Variants in PLXNA4 observed in about 807,000 individuals in gnomAD.
PLXNA4 encodes the protein plexin A4.
PLXNA4 carries 44 observed loss-of-function variants against 191.8 expected under a neutral mutation model. That is an observed-to-expected ratio of 0.23 (90% CI 0.18 to 0.29). The LOEUF (loss-of-function observed/expected upper bound fraction) is 0.29. Ranked by LOEUF, PLXNA4 falls within the 10% of genes least tolerant of loss-of-function variation. The pLI is 1.00. For synonymous variants in PLXNA4, 1,082 were observed against 1,009.5 expected (o/e 1.07, Z -1.36); for missense variants, 1,800 against 2,488.8 (o/e 0.72, Z 5.89).
At position 132,585,344 on chromosome 7, in the gene PLXNA4, G is replaced by A. The variant is rs77977506; in HGVS notation, c.-87+60584C>T. On this transcript the variant is annotated intron_variant, in intron 2 of 4. Coordinates refer to the PLXNA4 transcript ENST00000378539. ...AACATTTAGATAGCAACAGGTGAAAGCTCCATAGTGTTATTAATGTTATCA... is the reference window on the plus strand; with the variant it reads ...AACATTTAGATAGCAACAGGTGAAAACTCCATAGTGTTATTAATGTTATCA... Among the ~76,000 whole-genome samples, 813 of 152,256 alleles carry A rather than the reference G, an allele frequency of 5.3e-3. 6 individuals are homozygous for A. The highest frequency in any genetic ancestry group is 0.019 in the African/African-American group (787 of 41,546).
At chr7:132,257,634 A>G (rs1211767607) in intron 4 of PLXNA4, among the ~76,000 whole-genome samples, 1 of 152,194 alleles carries the variant, frequency 6.6e-6, no homozygotes, top group Non-Finnish European at 1.5e-5. Flanking sequence ...GTCTGGGGAC[A>G]CAGAGCAGCA....
intron 12 of PLXNA4, among the ~76,000 whole-genome samples, chr7:132,199,231 C>A (rs57320805): frequency 0.019 from 2,844 of 152,282 alleles, 96 homozygotes; most frequent in African/African-American, 0.064. Context: ...GGTCTGTCTC[C>A]CTCCTTGTGG....
At chr7:132,588,542 C>T (rs1429517085) in intron 2 of PLXNA4, among the ~76,000 whole-genome samples, 3 of 151,642 alleles carry the variant, frequency 2.0e-5, no homozygotes, top group African/African-American at 7.3e-5. Flanking sequence ...TTATCAATAT[C>T]TTTCAGGCAT....
intron 3 of PLXNA4, among the ~76,000 whole-genome samples, chr7:132,323,603 C>T (rs939618160): frequency 6.6e-6 from 1 of 152,138 alleles, no homozygotes; most frequent in Non-Finnish European, 1.5e-5. Context: ...AAGGTGTCAC[C>T]ATGCCAGGGA....
chr7:132,306,711 AGCTG>A (rs1232624363), intron 3 of PLXNA4, among the ~76,000 whole-genome samples: 1 of 152,180 alleles, frequency 6.6e-6, no homozygotes, highest in African/African-American at 2.4e-5. Context: ...GAGTTGCCAC[AGCTG>A]GAACCAGGAG....
intron 29 of PLXNA4, among the ~76,000 whole-genome samples, chr7:132,143,267 T>C (rs1795322182): frequency 1.3e-5 from 2 of 152,044 alleles, no homozygotes; most frequent in African/African-American, 4.8e-5. Context: ...GGGGAAAGTG[T>C]CCTCAGGGTT....
chr7:132,510,529 T>C (rs1798672226), intron 1 of PLXNA4, among the ~76,000 whole-genome samples: 1 of 152,116 alleles, frequency 6.6e-6, no homozygotes, highest in African/African-American at 2.4e-5. Flanking sequence ...AAGGAGCAGA[T>C]CCTCAACGAA....
chr7:132,229,801 T>G (rs376916808), intron 5 of PLXNA4, among the ~76,000 whole-genome samples: 1 of 151,690 alleles, frequency 6.6e-6, no homozygotes, highest in Non-Finnish European at 1.5e-5. Flanking sequence ...ACAGGTGTGG[T>G]GTGGGGCAAG....
At chr7:132,178,845 T>TACACACACAC (rs56027205) in intron 20 of PLXNA4, among the ~76,000 whole-genome samples, 3 of 83,540 alleles carry the variant, frequency 3.6e-5, no homozygotes, top group African/African-American at 2.0e-4. Flanking sequence ...TACACATATA[T>TACACACACAC]ACACACACAC....
intron 3 of PLXNA4, among the ~76,000 whole-genome samples, chr7:132,347,283 C>G (rs576075449): frequency 1.4e-4 from 21 of 152,216 alleles, no homozygotes; most frequent in Non-Finnish European, 2.5e-4. Context: ...GGGAAGAGCT[C>G]AAGGGCCCAT....
At chr7:132,290,129 C>T (rs74365035) in intron 4 of PLXNA4, among the ~76,000 whole-genome samples, 2,308 of 152,272 alleles carry the variant, frequency 0.015, 50 homozygotes, top group African/African-American at 0.052. Context: ...TGCAGGAGTC[C>T]CCCAGCACCT....
At chr7:132,273,328 ACACACACACACACG>A (rs776717490) in intron 4 of PLXNA4, among the ~76,000 whole-genome samples, 2 of 150,858 alleles carry the variant, frequency 1.3e-5, no homozygotes, top group Non-Finnish European at 2.9e-5. Flanking sequence ...TTTTCAACAC[ACACACACACACACG>A]CACACACACA....
At chr7:132,402,815 G>T (rs959272302) in intron 3 of PLXNA4, among the ~76,000 whole-genome samples, 1 of 152,202 alleles carries the variant, frequency 6.6e-6, no homozygotes, top group Non-Finnish European at 1.5e-5. Context: ...GGCTGGGAAC[G>T]CCACCTCCAG....
intron 2 of PLXNA4, among the ~76,000 whole-genome samples, chr7:132,628,276 A>G (rs577217472): frequency 3.1e-4 from 47 of 152,146 alleles, no homozygotes; most frequent in African/African-American, 1.1e-3. Flanking sequence ...CCAACTTTTA[A>G]TGTTGTTGAT....
intron 10 of PLXNA4, among the ~76,000 whole-genome samples, chr7:132,205,039 C>T (rs1047168396): frequency 2.0e-5 from 3 of 152,190 alleles, no homozygotes; most frequent in African/African-American, 7.2e-5. Context: ...CGTTGAATCT[C>T]TCGTTTGACC....
At chr7:132,153,095 G>A (rs1795693244) in intron 25 of PLXNA4, among the ~76,000 whole-genome samples, 1 of 152,224 alleles carries the variant, frequency 6.6e-6, no homozygotes, top group African/African-American at 2.4e-5. Context: ...GGTCAGGGCA[G>A]GGGTGAGACA....
chr7:132,360,022 C>T (rs1283126692), intron 3 of PLXNA4, among the ~76,000 whole-genome samples: 1 of 152,188 alleles, frequency 6.6e-6, no homozygotes, highest in Non-Finnish European at 1.5e-5. Context: ...ATTGAGTTCT[C>T]ATTTGCCATG....
At chr7:132,484,132 T>C (rs1209783637) in intron 3 of PLXNA4, among the ~76,000 whole-genome samples, 1 of 152,228 alleles carries the variant, frequency 6.6e-6, no homozygotes, top group Non-Finnish European at 1.5e-5. Context: ...TCCAAGAGGA[T>C]ATCAACCAGC....
At chr7:132,628,518 A>G (rs191130895) in intron 2 of PLXNA4, among the ~76,000 whole-genome samples, 87 of 151,608 alleles carry the variant, frequency 5.7e-4, no homozygotes, top group Non-Finnish European at 2.2e-4. Flanking sequence ...TTCTTTGAAC[A>G]TGTCTTTTTG....
Sources: allele counts gnomAD v4.1 joint callset (sites outside exome capture counted in the v4.1 genomes callset), GRCh38; gene constraint gnomAD v4.1.1; transcripts MANE v1.5; gene names NCBI Gene and HGNC (gene_info 2026-07-23, HGNC 2026-07-21).